The following PCSK7 variants were observed in gnomAD, a reference collection of about 807,000 sequenced individuals.
The protein encoded by PCSK7 is lymphoma proprotein convertase.
In PCSK7, 38 loss-of-function variants were observed where a neutral mutation model predicts 73.3. The ratio of observed to expected loss-of-function variants is 0.52; its 90% CI spans 0.40 to 0.68. The LOEUF (loss-of-function observed/expected upper bound fraction) is 0.68, where lower values mean the gene tolerates loss of function less well. Ranked by LOEUF, PCSK7 falls within the 30% of genes least tolerant of loss-of-function variation. The probability of loss-of-function intolerance (pLI) is 0.00; values close to 1 mark genes in which losing one functional copy is unlikely to be tolerated. For missense variants in PCSK7, 692 were observed against 991.5 expected, an observed-to-expected ratio of 0.70 and a Z score of 4.06; for synonymous variants, 296 against 383.8, an observed-to-expected ratio of 0.77 and a Z score of 2.68.
chr11:117,225,055 C>CT (rs571538440), intron 6 of PCSK7: 2,126 of 134,340 alleles, frequency 0.016, 70 homozygotes, highest in African/African-American at 0.045. Context: ...ACATGTAGAC[C>CT]TTTTTTTTTT....
At chr11:117,223,628 C>T in intron 8 of PCSK7, 1 of 398,890 alleles carries the variant, frequency 2.5e-6, no homozygotes, top group East Asian at 4.7e-5. Flanking sequence ...CTGTGGGTCA[C>T]ACCCGTGCCA....
In PCSK7 at chr11:117,229,611, G is replaced by A. The variant is rs2032564318; in HGVS notation, c.234C>T (p.Ala78=). 6.2e-7 allele frequency: 1 copy of A among 1,614,078 alleles called. No individual in the cohort carries two copies. Among genetic ancestry groups the A allele is most frequent in the Non-Finnish European group, 8.5e-7 (1 of 1,179,968 alleles). The part of the protein sequence containing the change: ...ETLEQQADAL[A]QAAGLVNAGR... ...CAGCATTCACCAGCCCTGCTGCCTGGGCCAAGGCATCCGCCTGCTGCTCCA... is the reference window on the plus strand; with the variant it reads ...CAGCATTCACCAGCCCTGCTGCCTGAGCCAAGGCATCCGCCTGCTGCTCCA... The change falls in exon 3 of 17, where the codon GCC becomes GCT. Residue 78 remains alanine, a synonymous_variant. Transcript: ENST00000320934.
chr11:117,204,550 C>A lies in PCSK7; in HGVS notation c.*1447G>T. On this transcript the variant is annotated 3_prime_UTR_variant, in exon 17 of 17. Transcript: ENST00000320934. ...CCCCCAGCCTCAGCCCAACTTCTTA[C>A]CCGAAAGCATCACTGCCTTGGCCCC... 1.2e-6 allele frequency: 1 copy of A among 846,880 alleles called. No individual in the cohort carries two copies. Among genetic ancestry groups the A allele is most frequent in the Non-Finnish European group, 1.9e-6 (1 of 522,112 alleles). The allele number at this position is 846,880 out of a possible 1,614,324, so 52.5% of individuals were successfully genotyped here. A position where few individuals can be genotyped will look rare whatever the true frequency, so the allele number is the denominator to read the frequency against.
intron 3 of PCSK7, 112 bp from the exon 4 acceptor site, chr11:117,228,462 G>A: frequency 1.1e-6 from 1 of 877,132 alleles, no homozygotes; most frequent in Non-Finnish European, 1.9e-6. Flanking sequence ...GAGCCAGACA[G>A]ATTGCAGACC....
At chr11:117,207,660 AC>A (rs1284032807) in intron 14 of PCSK7, 45 of 605,056 alleles carry the variant, frequency 7.4e-5, no homozygotes, top group Admixed American at 2.0e-4. Flanking sequence ...TTACCTGCCT[AC>A]CGGGGCTGGC....
In PCSK7 at chr11:117,205,124, A is replaced by G; in HGVS notation, c.*873T>C. 1 of 230,908 alleles carries G rather than the reference A, an allele frequency of 4.3e-6. No homozygotes were observed. Among genetic ancestry groups the G allele is most frequent in the East Asian group, 6.2e-5 (1 of 16,242 alleles). The allele number at this position is 230,908 out of a possible 1,614,324, so 14.3% of individuals were successfully genotyped here. A position where few individuals can be genotyped will look rare whatever the true frequency, so the allele number is the denominator to read the frequency against. ...AGCTGTGCAGAAAAAAATTCAAGAAAATGTTGCTGTGAAAAGAGAAAAACA... is the reference window on the plus strand; with the variant it reads ...AGCTGTGCAGAAAAAAATTCAAGAAGATGTTGCTGTGAAAAGAGAAAAACA... On this transcript the variant is annotated 3_prime_UTR_variant, in exon 17 of 17. Coordinates refer to ENST00000320934, the MANE Select transcript of PCSK7 (RefSeq NM_004716.4).
chr11:117,207,077 C>T lies in PCSK7; in HGVS notation c.1870G>A (p.Asp624Asn), dbSNP rs373420871. The T allele has an allele frequency of 4.7e-4, 566 of 1,196,180 alleles. 5 individuals carry two copies. Among genetic ancestry groups the T allele is most frequent in the Middle Eastern group, 3.1e-3 (16 of 5,090 alleles). 74.1% of individuals were successfully genotyped at this position (1,196,180 alleles called of 1,614,324 possible). The change falls in exon 15 of 17, where the codon GAC becomes AAC. Residue 624 changes from aspartate to asparagine, a missense_variant. By Grantham distance (23) the Asp-to-Asn change is conservative. Coordinates refer to ENST00000320934, the MANE Select transcript of PCSK7 (RefSeq NM_004716.4). ...GSVWSAVDIR[D>N]RQRLLESAMS... ...TGCGGCTTTACCCACCTTTGTCTGT[C>T]CCTGATGTCTACTGCACTCCACACA...
rs1401814768 is a variant in PCSK7, at chr11:117,204,446, T to A, written c.*1551A>T. The A allele has an allele frequency of 6.3e-6, 10 of 1,590,832 alleles. No individual in the cohort carries two copies. The highest frequency in any genetic ancestry group is 7.7e-6 in the Non-Finnish European group (9 of 1,163,914). On this transcript the variant is annotated 3_prime_UTR_variant, in exon 17 of 17. Coordinates refer to ENST00000320934, the MANE Select transcript of PCSK7 (RefSeq NM_004716.4). ...TTAGCCTGCCTCACCCACACCCGTGTGGTACCTTCAGCCCTGGCCAAGCTT... is the reference window on the plus strand; with the variant it reads ...TTAGCCTGCCTCACCCACACCCGTGAGGTACCTTCAGCCCTGGCCAAGCTT...
At chr11:117,206,427 A>G (rs1591784573) in intron 16 of PCSK7, 71 bp from the exon 17 acceptor site, 4 of 1,540,928 alleles carry the variant, frequency 2.6e-6, no homozygotes, top group East Asian at 2.3e-5. Flanking sequence ...GCCCAGGACA[A>G]TGAGCTCAGA....
chr11:117,217,564 A>C (rs1423272568), intron 12 of PCSK7: 1 of 152,194 alleles, frequency 6.6e-6, no homozygotes, highest in Non-Finnish European at 1.5e-5. Flanking sequence ...TTCTCTGTGA[A>C]ACCTTCACCT....
intron 12 of PCSK7, chr11:117,210,855 G>C (rs1591790202): frequency 6.6e-6 from 1 of 152,154 alleles, no homozygotes; most frequent in Non-Finnish European, 1.5e-5. Flanking sequence ...AGGATGGCTT[G>C]AGCCCAGGAG....
Position 117,204,969 on chromosome 11 carries a change from A to G in PCSK7, c.*1028T>C, listed in dbSNP as rs17120434. 8,093 of 195,876 alleles carry G rather than the reference A, an allele frequency of 0.041. 671 individuals are homozygous for G. Among genetic ancestry groups the G allele is most frequent in the African/African-American group, 0.18 (7,611 of 42,962 alleles). The allele number at this position is 195,876 out of a possible 1,614,324, so 12.1% of individuals were successfully genotyped here. ...TTCTTTCAGAGGAAACAGGCCATAG[A>G]ACAGGAGAGTGAATCTTGGGGACCG... is the stretch of plus-strand genomic sequence containing the variant. On this transcript the variant is annotated 3_prime_UTR_variant, in exon 17 of 17. Transcript: ENST00000320934.
Position 117,229,415 on chromosome 11 carries a change from G to A in PCSK7, c.430C>T (p.His144Tyr), listed in dbSNP as rs779876885. Residue 144 changes from histidine to tyrosine, a missense_variant, in exon 3 of 17, where the codon CAC (histidine) becomes TAC (tyrosine). His to Tyr is a moderately conservative substitution (Grantham distance 83, BLOSUM62 2). This residue lies in a region of PCSK7 where 574 missense variants were observed against 689.8 expected (regional missense o/e 0.83). Coordinates refer to ENST00000320934, the MANE Select transcript of PCSK7 (RefSeq NM_004716.4). ...TGCGGGTACTTGGGGTCGTTGAAGT[G>A]GACGCTGCGCTTGGCCCGCCTTAGC... ...RLLRRAKRSV[H>Y]FNDPKYPQQW... is the part of the protein sequence containing the mutation. 6.2e-7 allele frequency: 1 copy of A among 1,608,844 alleles called. No homozygotes were observed. Among genetic ancestry groups the A allele is most frequent in the South Asian group, 1.1e-5 (1 of 91,070 alleles).
chr11:117,229,744 C>T lies in PCSK7; in HGVS notation c.101G>A (p.Trp34Ter). 1 of 1,613,908 alleles carries T rather than the reference C, an allele frequency of 6.2e-7. No homozygotes were observed. Among genetic ancestry groups the T allele is most frequent in the Non-Finnish European group, 8.5e-7 (1 of 1,179,852 alleles). Residue 34 changes from tryptophan (W) to a stop codon, truncating the protein, a stop_gained, in exon 3 of 17, where the codon TGG (tryptophan) becomes TAG (stop). Transcript: ENST00000320934. LOFTEE classifies it high-confidence loss of function. ...ELAGLFLLVP[W>*]VMGLAGTGGP... Reference sequence around the variant, plus strand: ...ACCTGTCCCTGCCAGGCCCATGACCCAGGGAACCAGTAAGAAGAGCCCGGC... The same window carrying T: ...ACCTGTCCCTGCCAGGCCCATGACCTAGGGAACCAGTAAGAAGAGCCCGGC...
intron 12 of PCSK7, chr11:117,214,984 C>T (rs1461747586): frequency 1.3e-5 from 2 of 152,124 alleles, no homozygotes; most frequent in Admixed American, 1.3e-4. Context: ...CTCCCTCCTA[C>T]CCTCAGGTAG....
At position 117,224,203 on chromosome 11, in the gene PCSK7, T is replaced by C. The variant is rs1471223681; in HGVS notation, c.929A>G (p.His310Arg). 2 of 1,614,078 alleles carry C rather than the reference T, an allele frequency of 1.2e-6. No individual in the cohort carries two copies. Among genetic ancestry groups the C allele is most frequent in the Non-Finnish European group, 1.7e-6 (2 of 1,179,992 alleles). ...PHQLGKAALQ[H>R]GVIAGRQGFG... ...GCCCTGGCGACCAGCAATCACCCCA[T>C]GTTGTAAGGCAGCCTGAGGAGCCAA... Residue 310 changes from histidine (H) to arginine (R), a missense_variant, in exon 8 of 17, where the codon CAT becomes CGT. Coordinates refer to ENST00000320934, the MANE Select transcript of PCSK7 (RefSeq NM_004716.4).
At chr11:117,223,915 TAAG>T (rs1439751258) in intron 8 of PCSK7, 160 bp downstream of exon 8, 1 of 693,256 alleles carries the variant, frequency 1.4e-6, no homozygotes, top group African/African-American at 1.8e-5. Flanking sequence ...TGCTGACATC[TAAG>T]AAGTCCCAAG....
rs1301520480 is a variant in PCSK7, at chr11:117,224,729, G to C, written c.887C>G (p.Thr296Arg). The change falls in exon 7 of 17, where the codon ACA becomes AGA. Residue 296 changes from threonine to arginine, a missense_variant. By Grantham distance (71) the Thr-to-Arg change is moderately conservative (BLOSUM62 -1). Around this residue, in one of 6 missense-constraint regions of PCSK7, gnomAD observed 574 missense variants for 689.8 expected, o/e 0.83. Transcript: ENST00000320934. ...CSWGPDDDGK[T>R]VDGPHQLGKA... ...TCCAAGCTGATGGGGGCCATCCACTGTCTTCCCATCGTCATCTGGTCCCCA... is the reference window on the plus strand; with the variant it reads ...TCCAAGCTGATGGGGGCCATCCACTCTCTTCCCATCGTCATCTGGTCCCCA... The C allele has an allele frequency of 3.1e-6, 5 of 1,613,604 alleles. No homozygotes were observed. Among genetic ancestry groups the C allele is most frequent in the Non-Finnish European group, 4.2e-6 (5 of 1,179,678 alleles).
chr11:117,224,675 T>G, intron 7 of PCSK7, 26 bp downstream of exon 7: 5 of 1,595,992 alleles, frequency 3.1e-6, no homozygotes, highest in Non-Finnish European at 4.3e-6. Flanking sequence ...ATCCCGTTTC[T>G]CAGAGTCTTT....
Sources: gnomAD v4.1 joint callset for allele counts on GRCh38, gnomAD v4.1.1 for gene constraint, gnomAD v4.1.1 regional missense constraint, MANE v1.5 for transcripts, NCBI Gene and HGNC (gene_info 2026-07-23, HGNC 2026-07-21) for gene names.